PIK3C2G: variants seen among roughly 807,000 people sequenced by gnomAD.
The protein encoded by PIK3C2G is phosphatidylinositol-4-phosphate 3-kinase catalytic subunit type 2 gamma, also known as phosphatidylinositol 3-kinase C2 domain-containing subunit gamma.
PIK3C2G carries 168 observed loss-of-function variants against 181.1 expected under a neutral mutation model. The observed-to-expected ratio is 0.93, with a 90% CI of 0.82 to 1.05. PIK3C2G has a LOEUF of 1.05. Among genes scored for constraint, PIK3C2G ranks in the 50% least tolerant of loss-of-function variants. The pLI is 0.00. For missense variants in PIK3C2G, 1,869 were observed against 1,732.8 expected, an observed-to-expected ratio of 1.08 and a Z score of -1.40; for synonymous variants, 573 against 592.2, an observed-to-expected ratio of 0.97 and a Z score of 0.47.
At chr12:18,581,422 G>GA (rs1946494049) in intron 29 of PIK3C2G, among the ~76,000 whole-genome samples, 1 of 152,164 alleles carries the variant, frequency 6.6e-6, no homozygotes, top group Non-Finnish European at 1.5e-5. Flanking sequence ...GATCCCCTAA[G>GA]AAAAATCCCA....
intron 8 of PIK3C2G, among the ~76,000 whole-genome samples, chr12:18,337,517 CAAG>C: frequency 6.6e-6 from 1 of 152,190 alleles, no homozygotes; most frequent in East Asian, 1.9e-4. Flanking sequence ...GCAGACAATA[CAAG>C]AAGTGTGGTG....
chr12:18,504,140 C>T (rs1040859917), intron 23 of PIK3C2G, among the ~76,000 whole-genome samples: 3 of 152,084 alleles, frequency 2.0e-5, no homozygotes, highest in Non-Finnish European at 4.4e-5. Context: ...TTGAGAAATT[C>T]CTCAAACCTG....
At chr12:18,258,924 T>G (rs1031552323), upstream of PIK3C2G, among the ~76,000 whole-genome samples, 5 of 152,178 alleles carry the variant, frequency 3.3e-5, no homozygotes, top group African/African-American at 1.2e-4. Context: ...GAATAAGCAA[T>G]TTACTTTTTA....
intron 24 of PIK3C2G, among the ~76,000 whole-genome samples, chr12:18,533,102 T>C (rs1943646857): frequency 6.6e-6 from 1 of 152,126 alleles, no homozygotes; most frequent in Non-Finnish European, 1.5e-5. Context: ...GCTTTGTATA[T>C]AATTTCCAGA....
At chr12:18,468,422 G>A (rs1938129969) in intron 18 of PIK3C2G, among the ~76,000 whole-genome samples, 2 of 152,010 alleles carry the variant, frequency 1.3e-5, no homozygotes, top group South Asian at 4.1e-4. Context: ...CAACTGCTAA[G>A]TATTCTTCCT....
intron 5 of PIK3C2G, among the ~76,000 whole-genome samples, chr12:18,294,299 T>A (rs1949843286): frequency 6.6e-6 from 1 of 152,090 alleles, no homozygotes; most frequent in African/African-American, 2.4e-5. Flanking sequence ...GATGTAGGAA[T>A]TTCAGTTTTA....
intron 31 of PIK3C2G, among the ~76,000 whole-genome samples, chr12:18,626,150 G>A (rs1387678906): frequency 6.6e-6 from 1 of 151,512 alleles, no homozygotes; most frequent in Admixed American, 6.6e-5. Flanking sequence ...GTTTTCTGTA[G>A]TAGTATGTTT....
intron 18 of PIK3C2G, among the ~76,000 whole-genome samples, chr12:18,436,931 C>T (rs2067782): frequency 0.24 from 36,445 of 151,742 alleles, 4,644 homozygotes; most frequent in Admixed American, 0.35. Context: ...ATCTAGTTAT[C>T]TGGCAAAAAA....
intron 32 of PIK3C2G, among the ~76,000 whole-genome samples, chr12:18,642,138 T>G (rs1039652086): frequency 3.3e-5 from 5 of 152,222 alleles, no homozygotes; most frequent in Admixed American, 1.3e-4. Context: ...TCATTCTTTC[T>G]TTTATAGATG....
chr12:18,582,850 G>A (rs1477124356), intron 29 of PIK3C2G, among the ~76,000 whole-genome samples: 1 of 151,902 alleles, frequency 6.6e-6, no homozygotes, highest in African/African-American at 2.4e-5. Context: ...TCTCCTCACT[G>A]GGCAAGGACC....
intron 14 of PIK3C2G, 70 bp from the exon 15 acceptor site, chr12:18,391,048 AAGAT>A (rs2138048798): frequency 7.7e-6 from 8 of 1,036,864 alleles, no homozygotes; most frequent in Non-Finnish European, 1.0e-5. Flanking sequence ...CTATAAATCT[AAGAT>A]AGGAATATTA....
At chr12:18,686,714 C>T in the PIK3C2G span, among the ~76,000 whole-genome samples, 1 of 152,056 alleles carries the variant, frequency 6.6e-6, no homozygotes, top group Non-Finnish European at 1.5e-5. Flanking sequence ...AATTATTTTA[C>T]TTATAGCATC....
At chr12:18,392,438 C>T (rs556713591) in intron 15 of PIK3C2G, among the ~76,000 whole-genome samples, 114 of 152,206 alleles carry the variant, frequency 7.5e-4, no homozygotes, top group African/African-American at 2.6e-3. Context: ...AAGCCAGTAA[C>T]ATCAAACTCC....
chr12:18,703,001 C>A, the PIK3C2G span, among the ~76,000 whole-genome samples: 1 of 151,718 alleles, frequency 6.6e-6, no homozygotes, highest in Non-Finnish European at 1.5e-5. Context: ...TGAAAAGCAC[C>A]TCCCTGCTTT....
At chr12:18,598,805 AAAAC>A (rs1947529205) in intron 30 of PIK3C2G, among the ~76,000 whole-genome samples, 1 of 151,644 alleles carries the variant, frequency 6.6e-6, no homozygotes, top group South Asian at 2.1e-4. Context: ...TTTACAAGAA[AAAAC>A]AAACAACCCC....
intron 16 of PIK3C2G, among the ~76,000 whole-genome samples, chr12:18,403,041 C>T (rs1002497339): frequency 2.0e-5 from 3 of 152,090 alleles, no homozygotes; most frequent in African/African-American, 4.8e-5. Flanking sequence ...TAATCTGAAC[C>T]ATTCTGTTTA....
At chr12:18,397,705 A>T (rs1398526892) in intron 15 of PIK3C2G, among the ~76,000 whole-genome samples, 1 of 152,090 alleles carries the variant, frequency 6.6e-6, no homozygotes, top group Non-Finnish European at 1.5e-5. Context: ...ACTTCAGAAA[A>T]CAGTTTCACA....
intron 18 of PIK3C2G, among the ~76,000 whole-genome samples, chr12:18,436,401 A>G (rs781102454): frequency 2.0e-5 from 3 of 152,058 alleles, no homozygotes; most frequent in African/African-American, 7.2e-5. Context: ...CATATTCAGA[A>G]TTTATCTCTA....
chr12:18,256,551 G>C (rs1342122933), upstream of PIK3C2G, among the ~76,000 whole-genome samples: 1 of 152,060 alleles, frequency 6.6e-6, no homozygotes, highest in East Asian at 1.9e-4. Context: ...ACTTGAAAAA[G>C]TCAGAGGCCT....
Sources: gnomAD v4.1 joint callset for allele counts (sites outside exome capture counted in the v4.1 genomes callset) on GRCh38, gnomAD v4.1.1 for gene constraint, MANE v1.5 for transcripts, NCBI Gene and HGNC (gene_info 2026-07-23, HGNC 2026-07-21) for gene names.